LEPR: variants seen among roughly 807,000 people sequenced by gnomAD.
LEPR encodes OB receptor.
Under a neutral mutation model 114.7 loss-of-function variants are expected in LEPR, and 56 were observed. That is an observed-to-expected ratio of 0.49 (90% CI 0.39 to 0.61). The LOEUF is 0.61. LEPR is among the 20% of genes least tolerant of loss of function. The pLI is 0.00. For synonymous variants in LEPR, 443 were observed against 461.4 expected (o/e 0.96, Z 0.51); for missense variants, 1,202 against 1,352.9 (o/e 0.89, Z 1.75).
intron 2 of LEPR, among the ~76,000 whole-genome samples, chr1:65,426,046 A>G (rs936883932): frequency 2.6e-5 from 4 of 151,902 alleles, no homozygotes; most frequent in African/African-American, 9.7e-5. Flanking sequence ...AAAAGTATGC[A>G]TACTGTCAGA....
At chr1:65,588,032 A>G (rs1655430935) in intron 5 of LEPR, among the ~76,000 whole-genome samples, 1 of 152,026 alleles carries the variant, frequency 6.6e-6, no homozygotes, top group Admixed American at 6.6e-5. Flanking sequence ...TCTTTGAAAA[A>G]CAGTGTGGTT....
chr1:65,472,411 A>AACACACACACACACAC (rs71721804), intron 2 of LEPR, among the ~76,000 whole-genome samples: 3,657 of 133,220 alleles, frequency 0.027, 84 homozygotes, highest in South Asian at 0.069. Flanking sequence ...CTGTGGCTAA[A>AACACACACACACACAC]ACACACACAC....
Position 65,596,370 on chromosome 1 carries a change from A to T in LEPR, c.704-78A>T. ...GAAAGGCAAGATATGATGAAAATTT[A>T]TCTTGACTTTATTTTATTCAGCTAT... On this transcript the variant is annotated intron_variant, in intron 6 of 19. Transcript: ENST00000349533. 3 of 1,561,044 alleles carry T rather than the reference A, an allele frequency of 1.9e-6. No individual in the cohort carries two copies. In the South Asian group the frequency reaches 3.4e-5, roughly 18 times the overall value.
intron 5 of LEPR, among the ~76,000 whole-genome samples, chr1:65,586,884 G>GAT (rs1321621034): frequency 1.3e-5 from 2 of 151,858 alleles, no homozygotes; most frequent in Non-Finnish European, 2.9e-5. Context: ...CATTATTAAG[G>GAT]ATATATACTC....
At chr1:65,451,517 C>G (rs2100328265) in intron 2 of LEPR, among the ~76,000 whole-genome samples, 1 of 152,168 alleles carries the variant, frequency 6.6e-6, no homozygotes, top group African/African-American at 2.4e-5. Context: ...TTTCCCAGTA[C>G]CATTTATTAA....
At chr1:65,624,472 T>C (rs1343281961) in intron 19 of LEPR, among the ~76,000 whole-genome samples, 1 of 152,176 alleles carries the variant, frequency 6.6e-6, no homozygotes, top group Non-Finnish European at 1.5e-5. Context: ...TCTATAGCAG[T>C]GGCTTCTTTT....
Position 65,633,290 on chromosome 1 carries a change from T to C in LEPR, c.2674-2901T>C. ...AAATCTAAAAAAAATTCAGTTGAAC[T>C]TCTGAGAGTTAACATATGGTGGATT... On this transcript the variant is annotated intron_variant, in intron 19 of 19. Transcript: ENST00000349533. This position sits in a 1 kb window ranked among gnomAD's most constrained non-coding sequence, Gnocchi z 4.1. 6.6e-7 allele frequency: 1 copy of C among 1,520,470 alleles called. No individual in the cohort carries two copies. Among genetic ancestry groups the C allele is most frequent in the Non-Finnish European group, 8.8e-7 (1 of 1,138,556 alleles). 94.2% of individuals were successfully genotyped at this position (1,520,470 alleles called of 1,614,324 possible).
At chr1:65,552,276 T>A (rs1652441737) in intron 2 of LEPR, among the ~76,000 whole-genome samples, 1 of 152,218 alleles carries the variant, frequency 6.6e-6, no homozygotes, top group African/African-American at 2.4e-5. Flanking sequence ...ATTTTCTTTC[T>A]TGTTGATCTG....
At chr1:65,478,058 G>C in intron 2 of LEPR, among the ~76,000 whole-genome samples, 1 of 152,306 alleles carries the variant, frequency 6.6e-6, no homozygotes, top group East Asian at 1.9e-4. Flanking sequence ...TTGTTTTGAA[G>C]TCATCCTGTA....
Position 65,518,859 on chromosome 1 carries a change from CTTTCTTTCTTTCTT to C in LEPR, c.-20-46671_-20-46658del, listed in dbSNP as rs747943950. Among the ~76,000 whole-genome samples the C allele has an allele frequency of 1.0e-2, 1,417 of 141,844 alleles. 16 individuals carry two copies. Among genetic ancestry groups the C allele is most frequent in the African/African-American group, 0.029 (1,094 of 37,272 alleles). 93.1% of individuals were successfully genotyped at this position (141,844 alleles called of 152,430 possible). On this transcript the variant is annotated intron_variant, in intron 2 of 19. Transcript: ENST00000349533. ...TTTTTCTTTTTTCTTTTTCTCTTTT[CTTTCTTTCTTTCTT>C]TTTCTTTCTTTCTTTCTTTCTTTCT...
chr1:65,495,665 A>T (rs1433543188), intron 2 of LEPR, among the ~76,000 whole-genome samples: 1 of 152,206 alleles, frequency 6.6e-6, no homozygotes, highest in African/African-American at 2.4e-5. Context: ...CCATCAACAG[A>T]TGAATTGATA....
rs367890476 is a variant in LEPR, at chr1:65,636,581, G to C, written c.3064G>C (p.Asp1022His). ...CTCTAGCAAAAATTCTCCGTTGAAG[G>C]ATTCTTTCTCTAATAGCTCATGGGA... ...CFSSKNSPLK[D>H]SFSNSSWEIE... is the part of the protein sequence containing the mutation. The change falls in exon 20 of 20, where the codon GAT becomes CAT. Residue 1022 changes from aspartate (D) to histidine (H), a missense_variant. Transcript: ENST00000349533. 3.7e-6 allele frequency: 6 copies of C among 1,614,060 alleles called. No homozygotes were observed. The highest frequency in any genetic ancestry group is 5.1e-6 in the Non-Finnish European group (6 of 1,179,992).
At chr1:65,453,491 G>A (rs546844954) in intron 2 of LEPR, among the ~76,000 whole-genome samples, 148 of 151,884 alleles carry the variant, frequency 9.7e-4, no homozygotes, top group Non-Finnish European at 1.5e-3. Flanking sequence ...CTTTGTTCTC[G>A]TTGGTTTCAA....
chr1:65,509,381 G>C (rs1341030754), intron 2 of LEPR, among the ~76,000 whole-genome samples: 1 of 152,032 alleles, frequency 6.6e-6, no homozygotes, highest in Non-Finnish European at 1.5e-5. Flanking sequence ...AATTTGTTGA[G>C]CGTTTTTATC....
chr1:65,580,967 C>G (rs1230178193), intron 5 of LEPR, among the ~76,000 whole-genome samples: 1 of 152,130 alleles, frequency 6.6e-6, no homozygotes, highest in East Asian at 1.9e-4. Context: ...ACACAAGGGT[C>G]AGATTATGAA....
At chr1:65,496,056 A>C (rs1648139132) in intron 2 of LEPR, among the ~76,000 whole-genome samples, 1 of 152,200 alleles carries the variant, frequency 6.6e-6, no homozygotes, top group Non-Finnish European at 1.5e-5. Context: ...GAGAATTTTG[A>C]ATGTTCCAAA....
chr1:65,570,505 T>G lies in LEPR; in HGVS notation c.73T>G (p.Ser25Ala). ...TTATGTGATAACTGCGTTTAACTTG[T>G]CATATCCAATTACTCCTTGGAGATT... ...FIYVITAFNL[S>A]YPITPWRFKL... The change falls in exon 4 of 20, where the codon TCA becomes GCA. Residue 25 changes from serine to alanine, a missense_variant. Coordinates refer to ENST00000349533, the MANE Select transcript of LEPR (RefSeq NM_002303.6). The G allele has an allele frequency of 6.2e-7, 1 of 1,613,908 alleles. No individual in the cohort carries two copies. Among genetic ancestry groups the G allele is most frequent in the Non-Finnish European group, 8.5e-7 (1 of 1,179,944 alleles).
At position 65,636,709 on chromosome 1, in the gene LEPR, G is replaced by C; in HGVS notation, c.3192G>C (p.Glu1064Asp). ...SEGLDELLKL[E>D]GNFPEENNDK... is the part of the protein sequence containing the mutation. ...GATTGGATGAACTTTTGAAATTGGA[G>C]GGAAATTTCCCTGAAGAAAATAATG... Residue 1064 changes from glutamate to aspartate, a missense_variant, in exon 20 of 20, where the codon GAG becomes GAC. Coordinates refer to ENST00000349533, the MANE Select transcript of LEPR (RefSeq NM_002303.6). 6.2e-7 allele frequency: 1 copy of C among 1,608,280 alleles called. No homozygotes were observed. Among genetic ancestry groups the C allele is most frequent in the Middle Eastern group, 1.7e-4 (1 of 6,032 alleles).
intron 5 of LEPR, among the ~76,000 whole-genome samples, chr1:65,579,662 C>T (rs777719584): frequency 3.3e-5 from 5 of 152,216 alleles, no homozygotes; most frequent in Non-Finnish European, 7.3e-5. Flanking sequence ...ACTTGGGTGC[C>T]TACTCTAGAC....
Sources: gnomAD v4.1 joint callset for allele counts (sites outside exome capture counted in the v4.1 genomes callset) on GRCh38, gnomAD v4.1.1 for gene constraint, Gnocchi (gnomAD v3.1) non-coding constraint, MANE v1.5 for transcripts, NCBI Gene and HGNC (gene_info 2026-07-23, HGNC 2026-07-21) for gene names.